Variants in TAB2 observed in about 807,000 individuals in gnomAD.
TAB2 encodes the protein TGF-beta-activated kinase 1 and MAP3K7-binding protein 2.
Under a neutral mutation model 65.0 loss-of-function variants are expected in TAB2, and 3 were observed. The ratio of observed to expected loss-of-function variants is 0.05; its 90% confidence interval spans 0.02 to 0.12. TAB2 has a LOEUF of 0.12. Ranked by LOEUF, TAB2 falls within the 10% of genes least tolerant of loss-of-function variation. TAB2 has a pLI of 1.00. For synonymous variants in TAB2, 298 were observed against 285.1 expected (o/e 1.05, Z -0.46); for missense variants, 623 against 840.3 (o/e 0.74, Z 3.20).
chr6:149,307,971 T>A (rs1024799682), intron 1 of TAB2, among the ~76,000 whole-genome samples: 2 of 152,172 alleles, frequency 1.3e-5, no homozygotes, highest in Non-Finnish European at 2.9e-5. Context: ...GATCATAGTA[T>A]TTTTGACAAT....
chr6:149,354,498 T>G (rs561892872), intron 1 of TAB2, among the ~76,000 whole-genome samples: 1 of 152,286 alleles, frequency 6.6e-6, no homozygotes, highest in Non-Finnish European at 1.5e-5. Context: ...TATTGAATAT[T>G]TTTTATTACA....
At position 149,397,780 on chromosome 6, in the gene TAB2, A is replaced by C; in HGVS notation, c.1764+16A>C. ...GATACCTTCCGTAAGTCTTTATGTA[A>C]CTGTTGTGATCTCTGCTTGAACATG... On this transcript the variant is annotated intron_variant, in intron 4 of 6. Transcript: ENST00000637181. 1 of 1,612,168 alleles carries C rather than the reference A, an allele frequency of 6.2e-7. No homozygotes were observed. Among genetic ancestry groups the C allele is most frequent in the Non-Finnish European group, 8.5e-7 (1 of 1,179,896 alleles).
upstream of TAB2, among the ~76,000 whole-genome samples, chr6:149,314,545 A>C (rs943993003): frequency 1.3e-5 from 2 of 152,192 alleles, no homozygotes; most frequent in African/African-American, 4.8e-5. Flanking sequence ...CAATCTTCTT[A>C]TAACTTTCCC....
chr6:149,377,126 G>A (rs1221789507), intron 2 of TAB2, among the ~76,000 whole-genome samples: 3 of 149,288 alleles, frequency 2.0e-5, no homozygotes, highest in African/African-American at 5.0e-5. Flanking sequence ...CTGGAGTGCA[G>A]TGGCGCAGTC....
chr6:149,320,237 C>T (rs1328344527), intron 1 of TAB2, among the ~76,000 whole-genome samples: 6 of 152,136 alleles, frequency 3.9e-5, no homozygotes, highest in Middle Eastern at 3.4e-3. Flanking sequence ...CCACCACGCC[C>T]GGCTAATTTT....
chr6:149,301,382 A>T (rs1424498744), intron 1 of TAB2, among the ~76,000 whole-genome samples: 1 of 152,206 alleles, frequency 6.6e-6, no homozygotes, highest in African/African-American at 2.4e-5. Context: ...CTGGAGTATT[A>T]AGGGAATTAT....
At chr6:149,301,237 A>C (rs754259993) in intron 1 of TAB2, among the ~76,000 whole-genome samples, 1 of 152,244 alleles carries the variant, frequency 6.6e-6, no homozygotes, top group African/African-American at 2.4e-5. Context: ...AGAAGCCAGC[A>C]GTTACCAAAT....
At chr6:149,300,789 G>T (rs7745574) in intron 1 of TAB2, among the ~76,000 whole-genome samples, 7 of 152,130 alleles carry the variant, frequency 4.6e-5, no homozygotes, top group South Asian at 2.1e-4. Context: ...AGAGCACTGG[G>T]GGGGTGAAAG....
intron 1 of TAB2, among the ~76,000 whole-genome samples, chr6:149,330,922 A>C (rs1260494568): frequency 1.3e-5 from 2 of 152,188 alleles, no homozygotes; most frequent in Non-Finnish European, 2.9e-5. Flanking sequence ...GTCAAAAATC[A>C]GATAGCCGTA....
intron 1 of TAB2, among the ~76,000 whole-genome samples, chr6:149,239,428 G>A (rs749975818): frequency 3.3e-5 from 5 of 152,182 alleles, no homozygotes; most frequent in Non-Finnish European, 7.4e-5. Flanking sequence ...CTGTCAAAAC[G>A]AGGTCATGGA....
chr6:149,262,404 G>A (rs1020682376), intron 1 of TAB2, among the ~76,000 whole-genome samples: 2 of 152,046 alleles, frequency 1.3e-5, no homozygotes, highest in Non-Finnish European at 2.9e-5. Flanking sequence ...GTGGTGGTGG[G>A]TGCCTGTAAT....
At chr6:149,247,781 G>T (rs977750787) in intron 1 of TAB2, 15 of 152,188 alleles carry the variant, frequency 9.9e-5, no homozygotes, top group African/African-American at 3.4e-4. Flanking sequence ...CCAGTCATCC[G>T]GAGGCCGCCT....
chr6:149,225,015 T>C (rs188707222), intron 1 of TAB2, among the ~76,000 whole-genome samples: 1 of 152,366 alleles, frequency 6.6e-6, no homozygotes, highest in Non-Finnish European at 1.5e-5. Context: ...TTAAAATTTC[T>C]TATAATACTT....
chr6:149,293,099 C>T (rs1029547561), intron 1 of TAB2, among the ~76,000 whole-genome samples: 37 of 152,094 alleles, frequency 2.4e-4, no homozygotes, highest in African/African-American at 7.7e-4. Context: ...GGCCAGGCTT[C>T]GTGACTTTCA....
chr6:149,354,541 AATTT>A (rs778455805), intron 1 of TAB2, among the ~76,000 whole-genome samples: 17 of 152,182 alleles, frequency 1.1e-4, no homozygotes, highest in Admixed American at 3.3e-4. Flanking sequence ...AGGTTTTTAA[AATTT>A]ATTTGTGTGT....
intron 2 of TAB2, among the ~76,000 whole-genome samples, chr6:149,375,954 A>G (rs1251224326): frequency 2.0e-5 from 3 of 152,130 alleles, no homozygotes; most frequent in Admixed American, 6.5e-5. Flanking sequence ...CATTTCCTTA[A>G]CAAGGCATCA....
At chr6:149,392,293 A>G (rs1468578219) in intron 3 of TAB2, among the ~76,000 whole-genome samples, 2 of 152,086 alleles carry the variant, frequency 1.3e-5, no homozygotes, top group African/African-American at 2.4e-5. Flanking sequence ...GGCACGCGCC[A>G]CTACCACCTG....
chr6:149,326,321 A>C (rs1454394135), intron 1 of TAB2, among the ~76,000 whole-genome samples: 1 of 151,824 alleles, frequency 6.6e-6, no homozygotes, highest in Non-Finnish European at 1.5e-5. Context: ...GCATTTTATT[A>C]AGTTCATAGG....
intron 1 of TAB2, among the ~76,000 whole-genome samples, chr6:149,352,679 G>T (rs1465148808): frequency 1.3e-5 from 2 of 152,126 alleles, no homozygotes; most frequent in Non-Finnish European, 2.9e-5. Context: ...ATCAACTAGC[G>T]GTCTTGTAGG....
Sources: gnomAD v4.1 joint callset for allele counts (sites outside exome capture counted in the v4.1 genomes callset) on GRCh38, gnomAD v4.1.1 for gene constraint, MANE v1.5 for transcripts, NCBI Gene and HGNC (gene_info 2026-07-23, HGNC 2026-07-21) for gene names.